The following ERMP1 variants were observed in gnomAD, a reference collection of about 807,000 sequenced individuals.
ERMP1 encodes the protein endoplasmic reticulum metallopeptidase 1.
In ERMP1, 86 loss-of-function variants were observed where a neutral mutation model predicts 92.0. The ratio of observed to expected loss-of-function variants is 0.93; its 90% CI spans 0.79 to 1.12. The LOEUF (loss-of-function observed/expected upper bound fraction) is 1.12, where lower values mean the gene tolerates loss of function less well. ERMP1 is among the 50% of genes most tolerant of loss of function. ERMP1 has a pLI of 0.00. For synonymous variants in ERMP1, 530 were observed against 412.8 expected (o/e 1.28, Z -3.44); for missense variants, 1,342 against 1,116.3 (o/e 1.20, Z -2.88).
Position 5,810,062 on chromosome 9 carries a change from A to T in ERMP1, c.1497T>A (p.Thr499=), listed in dbSNP as rs1424331442. ...TATGTATAAGTATTATTTTGGCTAC[A>T]GTTGCAGTTCCATACAGACAAACGG... ...YVSVCLYGTA[T]VAKIILIHTL... Residue 499 remains threonine, a synonymous_variant, in exon 8 of 15, where the codon ACT becomes ACA. Coordinates refer to ENST00000339450, the MANE Select transcript of ERMP1 (RefSeq NM_024896.3). The T allele has an allele frequency of 2.5e-6, 4 of 1,613,786 alleles. No homozygotes were observed. The highest frequency in any genetic ancestry group is 3.4e-6 in the Non-Finnish European group (4 of 1,179,822).
chr9:5,786,808 AGT>A lies in ERMP1; in HGVS notation c.*334_*335del, dbSNP rs1827957528. The A allele has an allele frequency of 5.4e-6, 1 of 184,890 alleles. No homozygotes were observed. Among genetic ancestry groups the A allele is most frequent in the African/African-American group, 2.4e-5 (1 of 42,342 alleles). The allele number at this position is 184,890 out of a possible 1,614,324, so 11.5% of individuals were successfully genotyped here. The stretch of plus-strand genomic sequence containing the variant: ...TTTGTCTCATTAACAATGCTCTGAC[AGT>A]GTACATCTTTCTTGATCCTAAAGGG... On this transcript the variant is annotated 3_prime_UTR_variant, in exon 15 of 15. Transcript: ENST00000339450.
intron 4 of ERMP1, 51 bp from the exon 5 acceptor site, chr9:5,813,086 A>T: frequency 7.1e-7 from 1 of 1,403,282 alleles, no homozygotes; most frequent in Non-Finnish European, 9.9e-7. Context: ...AATTTTTTTT[A>T]ACATACTAAT....
intron 8 of ERMP1, among the ~76,000 whole-genome samples, chr9:5,807,124 A>G (rs1019208768): frequency 6.6e-6 from 1 of 152,188 alleles, no homozygotes; most frequent in Non-Finnish European, 1.5e-5. Context: ...AAGATAAAAC[A>G]TCGCTCGAAT....
chr9:5,842,560 T>A (rs1049409349), intron 6 of ERMP1, among the ~76,000 whole-genome samples: 1 of 152,170 alleles, frequency 6.6e-6, no homozygotes, highest in Admixed American at 6.5e-5. Flanking sequence ...TTAAAACAAT[T>A]TTATATTATG....
At chr9:5,801,008 G>A (rs1381260061) in intron 11 of ERMP1, among the ~76,000 whole-genome samples, 168 bp downstream of exon 11, 1 of 152,190 alleles carries the variant, frequency 6.6e-6, no homozygotes, top group Admixed American at 6.5e-5. Flanking sequence ...TGATAAGAAT[G>A]CCTCTTGACA....
At chr9:5,854,971 G>C (rs1326014654) in intron 6 of ERMP1, among the ~76,000 whole-genome samples, 2 of 152,120 alleles carry the variant, frequency 1.3e-5, no homozygotes, top group African/African-American at 4.8e-5. Context: ...TAACAGAAAG[G>C]GGAAACATCA....
At chr9:5,859,934 G>A (rs1830438907) in intron 5 of ERMP1, among the ~76,000 whole-genome samples, 1 of 152,080 alleles carries the variant, frequency 6.6e-6, no homozygotes, top group Admixed American at 6.6e-5. Context: ...TATTACACAG[G>A]TCTTAGTACC....
intron 7 of ERMP1, among the ~76,000 whole-genome samples, chr9:5,810,608 G>C (rs1254973104): frequency 3.3e-5 from 5 of 152,092 alleles, no homozygotes; most frequent in African/African-American, 1.2e-4. Context: ...TTAAAATAAG[G>C]TAACATAAGA....
At chr9:5,823,073 C>T (rs1829600983) in intron 4 of ERMP1, among the ~76,000 whole-genome samples, 1 of 152,016 alleles carries the variant, frequency 6.6e-6, no homozygotes, top group Admixed American at 6.6e-5. Flanking sequence ...CCACTTGAGC[C>T]CAGGAGTTTG....
chr9:5,806,467 G>A (rs867811144), intron 8 of ERMP1, among the ~76,000 whole-genome samples: 9 of 147,248 alleles, frequency 6.1e-5, no homozygotes, highest in African/African-American at 2.3e-4. Flanking sequence ...TCGCTCTGTC[G>A]CCTAGGCCGG....
chr9:5,811,043 T>C (rs528523978), intron 7 of ERMP1, 68 bp downstream of exon 7: 1 of 1,087,554 alleles, frequency 9.2e-7, no homozygotes, highest in Non-Finnish European at 1.4e-6. Context: ...ATAAACAAAC[T>C]GACTGAAAAA....
intron 2 of ERMP1, among the ~76,000 whole-genome samples, chr9:5,829,269 C>G (rs1015569877): frequency 6.7e-6 from 1 of 150,254 alleles, no homozygotes; most frequent in Non-Finnish European, 1.5e-5. Flanking sequence ...CAGCAGCACA[C>G]GAAGGTACTT....
intron 13 of ERMP1, among the ~76,000 whole-genome samples, chr9:5,796,920 G>C (rs1828448150): frequency 6.6e-6 from 1 of 152,262 alleles, no homozygotes; most frequent in East Asian, 1.9e-4. Context: ...TGGTGCATCA[G>C]TTTTAACAAA....
intron 13 of ERMP1, among the ~76,000 whole-genome samples, chr9:5,790,351 T>C (rs989260123): frequency 3.3e-5 from 5 of 151,986 alleles, no homozygotes; most frequent in African/African-American, 1.2e-4. Flanking sequence ...TTAAAGAGCA[T>C]AGAAGACACC....
chr9:5,861,171 G>C (rs1045989097), intron 5 of ERMP1, among the ~76,000 whole-genome samples: 3 of 18,762 alleles, frequency 1.6e-4, no homozygotes, highest in African/African-American at 6.0e-4. Flanking sequence ...GGCTTAGGGG[G>C]TGTGTGTGTG....
intron 5 of ERMP1, among the ~76,000 whole-genome samples, chr9:5,861,375 C>T (rs991540507): frequency 1.3e-5 from 2 of 152,008 alleles, no homozygotes; most frequent in African/African-American, 4.8e-5. Flanking sequence ...TCTTTCTACT[C>T]AAGGTACAGG....
intron 13 of ERMP1, among the ~76,000 whole-genome samples, chr9:5,790,264 C>T (rs1406101846): frequency 3.3e-5 from 5 of 150,102 alleles, no homozygotes; most frequent in Non-Finnish European, 7.4e-5. Context: ...ACTGCAACCT[C>T]TGCCTCCCGG....
chr9:5,811,652 A>C (rs1267757366), intron 6 of ERMP1, among the ~76,000 whole-genome samples: 2 of 152,200 alleles, frequency 1.3e-5, no homozygotes, highest in East Asian at 3.8e-4. Flanking sequence ...TTGTTGACAA[A>C]TCCAATGGCT....
In ERMP1 at chr9:5,833,101, C is replaced by T. The variant is rs1355182230; in HGVS notation, c.-74G>A. Reference sequence around the variant, plus strand: ...CCGGCCGCCGCCGACGCCGCCGTCGCTGCCGCAGCGCCTCCTAGTGAGCGG... The same window carrying T: ...CCGGCCGCCGCCGACGCCGCCGTCGTTGCCGCAGCGCCTCCTAGTGAGCGG... On this transcript the variant is annotated 5_prime_UTR_variant, in exon 1 of 15. Transcript: ENST00000339450. The T allele has an allele frequency of 3.1e-6, 4 of 1,300,630 alleles. No individual in the cohort carries two copies. The highest frequency in any genetic ancestry group is 4.0e-6 in the Non-Finnish European group (4 of 1,001,174). The allele number at this position is 1,300,630 out of a possible 1,614,324, so 80.6% of individuals were successfully genotyped here.
Sources: allele counts gnomAD v4.1 joint callset (sites outside exome capture counted in the v4.1 genomes callset), GRCh38; gene constraint gnomAD v4.1.1; transcripts MANE v1.5; gene names NCBI Gene and HGNC (gene_info 2026-07-23, HGNC 2026-07-21).